TRPC1: variants seen among roughly 807,000 people sequenced by gnomAD.
The protein encoded by TRPC1 is transient receptor potential cation channel subfamily C member 1.
A neutral mutation model predicts 88.2 loss-of-function variants in TRPC1; 42 were observed. That is an observed-to-expected ratio of 0.48 (90% CI 0.37 to 0.62). TRPC1 has a LOEUF of 0.62. Among genes scored for constraint, TRPC1 ranks in the 20% least tolerant of loss-of-function variants. The pLI is 0.00. For synonymous variants in TRPC1, 288 were observed against 331.8 expected, an observed-to-expected ratio of 0.87 and a Z score of 1.43; for missense variants, 699 against 957.3, an observed-to-expected ratio of 0.73 and a Z score of 3.56.
At chr3:142,763,281 T>C (rs945602105) in intron 4 of TRPC1, among the ~76,000 whole-genome samples, 1 of 152,054 alleles carries the variant, frequency 6.6e-6, no homozygotes, top group African/African-American at 2.4e-5. Flanking sequence ...TCCCCTACTA[T>C]TATTGTATTG....
chr3:142,781,652 T>C (rs1319344453), intron 6 of TRPC1, among the ~76,000 whole-genome samples: 1 of 152,120 alleles, frequency 6.6e-6, no homozygotes, highest in African/African-American at 2.4e-5. Flanking sequence ...TACATATACA[T>C]ATGATCCAGG....
chr3:142,781,091 C>A, intron 6 of TRPC1, 62 bp downstream of exon 6: 1 of 1,396,878 alleles, frequency 7.2e-7, no homozygotes. Flanking sequence ...TGGCTCAGGG[C>A]AAAGGCTTTG....
chr3:142,752,627 G>A (rs1318379273), intron 4 of TRPC1, among the ~76,000 whole-genome samples: 12 of 152,070 alleles, frequency 7.9e-5, no homozygotes, highest in Admixed American at 2.0e-4. Flanking sequence ...GACCCTTTAC[G>A]GGTGTAGGGC....
chr3:142,724,499 G>T lies in TRPC1; in HGVS notation c.-61G>T. On this transcript the variant is annotated 5_prime_UTR_variant, in exon 1 of 13. Transcript: ENST00000476941. This position sits in a 1 kb window ranked among gnomAD's most constrained non-coding sequence, Gnocchi z 5.6. ...CTGGGGCGTGGCTGGGGTCGGGGTC[G>T]GGGTCGGGGCCGGTGGGGGCCCCGC... The T allele has an allele frequency of 6.9e-7, 1 of 1,442,934 alleles. No individual in the cohort carries two copies. The highest frequency in any genetic ancestry group is 1.3e-5 in the South Asian group (1 of 74,132). The allele number at this position is 1,442,934 out of a possible 1,614,324, so 89.4% of individuals were successfully genotyped here.
intron 2 of TRPC1, among the ~76,000 whole-genome samples, chr3:142,737,890 G>A (rs1178534195): frequency 3.3e-5 from 5 of 152,106 alleles, no homozygotes; most frequent in Non-Finnish European, 7.4e-5. Flanking sequence ...AAAAGCAGAA[G>A]ACTTCCATCA....
At chr3:142,750,588 T>A (rs1250596379) in intron 4 of TRPC1, among the ~76,000 whole-genome samples, 2 of 152,144 alleles carry the variant, frequency 1.3e-5, no homozygotes, top group East Asian at 1.9e-4. Flanking sequence ...GGATTATAAA[T>A]CATTTTACTA....
Position 142,749,959 on chromosome 3 carries a change from C to T in TRPC1, c.632+1499C>T, listed in dbSNP as rs938569975. Among the ~76,000 whole-genome samples, 7 of 152,160 alleles carry T rather than the reference C, an allele frequency of 4.6e-5. No individual in the cohort carries two copies. The East Asian group carries it at 5.8e-4, about 13-fold the overall frequency. ...AAGACTTAAACGTAAGACTTAAAAC[C>T]GTGAAAACCCTAGAAGAAAACCTAG... On this transcript the variant is annotated intron_variant, in intron 4 of 12. Transcript: ENST00000476941.
In TRPC1 at chr3:142,766,409, C is replaced by CT. The variant is rs569348943; in HGVS notation, c.633-11214dup. ...CAGCCTACATCTTTTTTTTTTTTTT[C>CT]TTTTTTTTTGAGATGGAGTCTCACT... On this transcript the variant is annotated intron_variant, in intron 4 of 12. Transcript: ENST00000476941. 2.0e-3 allele frequency among the ~76,000 whole-genome samples: 271 copies of CT among 133,558 alleles called. 3 individuals are homozygous for CT. The highest frequency in any genetic ancestry group is 3.4e-3 in the Non-Finnish European group (209 of 61,336). 87.6% of individuals were successfully genotyped at this position (133,558 alleles called of 152,430 possible). A position where few individuals can be genotyped will look rare whatever the true frequency, so the allele number is the denominator to read the frequency against.
intron 2 of TRPC1, among the ~76,000 whole-genome samples, chr3:142,738,895 C>T (rs1934241924): frequency 6.6e-6 from 1 of 152,138 alleles, no homozygotes; most frequent in Non-Finnish European, 1.5e-5. Context: ...TAAATATGTT[C>T]ACTTACTTAA....
intron 2 of TRPC1, 69 bp downstream of exon 2, chr3:142,736,602 T>C (rs1934147700): frequency 1.5e-6 from 2 of 1,306,936 alleles, no homozygotes; most frequent in Non-Finnish European, 1.0e-6. Flanking sequence ...TTTCTTCCCT[T>C]CTTGTTTTCT....
At position 142,804,506 on chromosome 3, in the gene TRPC1, C is replaced by A. The variant is rs143387100; in HGVS notation, c.2030C>A (p.Thr677Lys). 1 of 1,613,506 alleles carries A rather than the reference C, an allele frequency of 6.2e-7. No individual in the cohort carries two copies. The highest frequency in any genetic ancestry group is 8.5e-7 in the Non-Finnish European group (1 of 1,179,788). Residue 677 changes from threonine to lysine, a missense_variant, in exon 12 of 13, where the codon ACG (threonine) becomes AAG (lysine). This residue lies in a region of TRPC1 where 105 missense variants were observed against 141.7 expected (regional missense o/e 0.74). Coordinates refer to ENST00000476941, the MANE Select transcript of TRPC1 (RefSeq NM_001251845.2). ...CTTAGCTACTTTGATGACAAATGTA[C>A]GTTACCTCCACCTTTCAACATCATT... The part of the protein sequence containing the change: ...LWLSYFDDKC[T>K]LPPPFNIIPS...
intron 3 of TRPC1, among the ~76,000 whole-genome samples, chr3:142,745,501 GGGC>G (rs1267814503): frequency 6.6e-6 from 1 of 152,070 alleles, no homozygotes; most frequent in Admixed American, 6.6e-5. Flanking sequence ...AAAATTAGCC[GGGC>G]GTGGTGCCGT....
At chr3:142,793,733 A>G (rs1012281433) in intron 9 of TRPC1, 2 of 549,776 alleles carry the variant, frequency 3.6e-6, no homozygotes, top group African/African-American at 2.1e-5. Flanking sequence ...TGAAAATCTG[A>G]ACAATATTCA....
chr3:142,750,615 C>T (rs1234589337), intron 4 of TRPC1, among the ~76,000 whole-genome samples: 1 of 152,140 alleles, frequency 6.6e-6, no homozygotes, highest in Non-Finnish European at 1.5e-5. Context: ...CACATGCACA[C>T]GTATGTTTAT....
chr3:142,765,413 T>C (rs1014972690), intron 4 of TRPC1, among the ~76,000 whole-genome samples: 1 of 152,182 alleles, frequency 6.6e-6, no homozygotes, highest in African/African-American at 2.4e-5. Flanking sequence ...ATTACCTGAC[T>C]TCAAACTATA....
At chr3:142,732,292 T>A (rs960126450) in intron 1 of TRPC1, among the ~76,000 whole-genome samples, 2 of 152,102 alleles carry the variant, frequency 1.3e-5, no homozygotes, top group Non-Finnish European at 2.9e-5. Context: ...AGGGGCCCTG[T>A]CTTCAGGTGT....
chr3:142,755,516 C>T (rs1340891830), intron 4 of TRPC1, among the ~76,000 whole-genome samples: 2 of 152,212 alleles, frequency 1.3e-5, no homozygotes, highest in Non-Finnish European at 2.9e-5. Context: ...GAAATCCCTT[C>T]TCCCAATTTC....
At chr3:142,791,251 C>A in intron 8 of TRPC1, 93 bp downstream of exon 8, 1 of 1,121,722 alleles carries the variant, frequency 8.9e-7, no homozygotes, top group African/African-American at 1.6e-5. Flanking sequence ...TTACATTGAG[C>A]CAGATCAGTG....
At chr3:142,740,575 A>C (rs1387246225) in intron 2 of TRPC1, among the ~76,000 whole-genome samples, 1 of 152,262 alleles carries the variant, frequency 6.6e-6, no homozygotes, top group African/African-American at 2.4e-5. Context: ...CATTACATGG[A>C]AAGAGTTTCA....
Sources: gnomAD v4.1 joint callset for allele counts (sites outside exome capture counted in the v4.1 genomes callset) on GRCh38, gnomAD v4.1.1 for gene constraint, gnomAD v4.1.1 regional missense constraint, Gnocchi (gnomAD v3.1) non-coding constraint, MANE v1.5 for transcripts, NCBI Gene and HGNC (gene_info 2026-07-23, HGNC 2026-07-21) for gene names.